The following CSMD3 variants were observed in gnomAD, a reference collection of about 807,000 sequenced individuals.
CSMD3 encodes CUB and Sushi multiple domains 3.
A neutral mutation model predicts 435.2 loss-of-function variants in CSMD3; 177 were observed. The ratio of observed to expected loss-of-function variants is 0.41; its 90% CI spans 0.36 to 0.46. CSMD3 has a LOEUF of 0.46. Ranked by LOEUF, CSMD3 falls within the 20% of genes least tolerant of loss-of-function variation. The pLI is 0.34. For synonymous variants in CSMD3, 1,656 were observed against 1,520.5 expected (o/e 1.09, Z -2.07); for missense variants, 4,265 against 4,504.6 (o/e 0.95, Z 1.52).
intron 11 of CSMD3, 116 bp downstream of exon 11, chr8:112,859,029 G>A (rs2080747465): frequency 1.1e-6 from 1 of 928,448 alleles, no homozygotes; most frequent in Non-Finnish European, 1.7e-6. Context: ...AGGGAATATT[G>A]CGCCAAAATC....
chr8:112,905,273 G>A (rs536879441), intron 10 of CSMD3, among the ~76,000 whole-genome samples: 210 of 149,702 alleles, frequency 1.4e-3, no homozygotes, highest in Admixed American at 2.4e-3. Context: ...CAATTTATTA[G>A]ACAAACAGAT....
At chr8:113,369,917 G>A (rs887433259) in intron 1 of CSMD3, among the ~76,000 whole-genome samples, 1 of 151,768 alleles carries the variant, frequency 6.6e-6, no homozygotes, top group African/African-American at 2.4e-5. Context: ...GTGACAGTGG[G>A]GGATTGGGAG....
At chr8:112,972,016 G>T (rs953883801) in intron 7 of CSMD3, among the ~76,000 whole-genome samples, 1 of 151,886 alleles carries the variant, frequency 6.6e-6, no homozygotes, top group African/African-American at 2.4e-5. Flanking sequence ...TTAAATAAAA[G>T]TTATAGTGAG....
At position 112,472,652 on chromosome 8, in the gene CSMD3, A is replaced by G; in HGVS notation, c.5334T>C (p.Tyr1778=). ...TATGTCCCACACTGTAATTTTTTGGATAGTTTGGTGATAGAACAGTGCCTT... is the reference window on the plus strand; with the variant it reads ...TATGTCCCACACTGTAATTTTTTGGGTAGTTTGGTGATAGAACAGTGCCTT... ...GSEGTVLSPN[Y]PKNYSVGHNC... Residue 1778 remains tyrosine, a synonymous_variant, in exon 32 of 71, where the codon TAT becomes TAC. Coordinates refer to ENST00000297405, the MANE Select transcript of CSMD3 (RefSeq NM_198123.2). 1 of 1,612,554 alleles carries G rather than the reference A, an allele frequency of 6.2e-7. No homozygotes were observed. The highest frequency in any genetic ancestry group is 1.1e-5 in the South Asian group (1 of 91,046).
At chr8:112,875,207 G>A (rs1465324516) in intron 10 of CSMD3, among the ~76,000 whole-genome samples, 2 of 152,026 alleles carry the variant, frequency 1.3e-5, no homozygotes, top group African/African-American at 4.8e-5. Flanking sequence ...GAAATTCTAG[G>A]TTGAAAATTC....
At chr8:113,358,032 G>A (rs2094244338) in intron 1 of CSMD3, among the ~76,000 whole-genome samples, 1 of 152,148 alleles carries the variant, frequency 6.6e-6, no homozygotes, top group East Asian at 1.9e-4. Flanking sequence ...CATATTAAGT[G>A]TCTAAACTGT....
chr8:113,117,686 G>A (rs1054809558), intron 4 of CSMD3, among the ~76,000 whole-genome samples: 2 of 152,208 alleles, frequency 1.3e-5, no homozygotes, highest in Admixed American at 6.5e-5. Context: ...CAGGAGAGGT[G>A]TTGTACACTA....
chr8:113,130,946 G>A (rs1307139027), intron 4 of CSMD3, among the ~76,000 whole-genome samples: 1 of 152,156 alleles, frequency 6.6e-6, no homozygotes, highest in African/African-American at 2.4e-5. Context: ...CTCTGCCCTA[G>A]AAATCTGTGG....
chr8:112,309,336 A>G (rs764335037), intron 50 of CSMD3, among the ~76,000 whole-genome samples: 22 of 151,980 alleles, frequency 1.4e-4, no homozygotes, highest in Non-Finnish European at 2.7e-4. Flanking sequence ...GTGTATGTGT[A>G]TGTGTGTATA....
rs33926073 is a variant in CSMD3, at chr8:112,905,322, A to ATACT, written c.1633+16304_1633+16305insAGTA. On this transcript the variant is annotated intron_variant, in intron 10 of 70. Coordinates refer to ENST00000297405, the MANE Select transcript of CSMD3 (RefSeq NM_198123.2). Reference sequence around the variant, plus strand: ...ATACTATGTGTATATATATATATATACACACACACACACACACATATATAT... The same window carrying ATACT: ...ATACTATGTGTATATATATATATATATACTCACACACACACACACACATATATAT... Among the ~76,000 whole-genome samples, 38 of 31,282 alleles carry ATACT rather than the reference A, an allele frequency of 1.2e-3. No homozygotes were observed. In the East Asian group the frequency reaches 0.029, roughly 24 times the overall value. The allele number at this position is 31,282 out of a possible 152,430, so 20.5% of individuals were successfully genotyped here. A position where few individuals can be genotyped will look rare whatever the true frequency, so the allele number is the denominator to read the frequency against.
intron 32 of CSMD3, among the ~76,000 whole-genome samples, chr8:112,455,615 ATAAATAAAT>A (rs1554578670): frequency 6.6e-6 from 1 of 151,164 alleles, no homozygotes; most frequent in East Asian, 2.0e-4. Flanking sequence ...AAATAAATAA[ATAAATAAAT>A]AAATAAATCA....
At chr8:113,394,424 G>T (rs1296603854) in intron 1 of CSMD3, among the ~76,000 whole-genome samples, 1 of 151,988 alleles carries the variant, frequency 6.6e-6, no homozygotes, top group Non-Finnish European at 1.5e-5. Flanking sequence ...TACCAAGTTT[G>T]TCATTTAACC....
chr8:113,236,732 G>T (rs953563040), intron 3 of CSMD3, among the ~76,000 whole-genome samples: 7 of 152,068 alleles, frequency 4.6e-5, no homozygotes, highest in African/African-American at 1.7e-4. Flanking sequence ...ATCCCAGCTT[G>T]CAGACAGCCT....
At chr8:112,343,001 T>TTTTA (rs72258524) in intron 41 of CSMD3, among the ~76,000 whole-genome samples, 2 of 109,678 alleles carry the variant, frequency 1.8e-5, no homozygotes, top group East Asian at 2.6e-4. Context: ...ATATATATAT[T>TTTTA]TATATATATA....
rs1294668787 is a variant in CSMD3 at position 113,147,395 on chromosome 8, TTTC to T, written c.709+26324_709+26326del. Among the ~76,000 whole-genome samples, 8 of 151,850 alleles carry T rather than the reference TTTC, an allele frequency of 5.3e-5. No homozygotes were observed. The East Asian group carries it at 9.7e-4, about 19-fold the overall frequency. On this transcript the variant is annotated intron_variant, in intron 4 of 70. Coordinates refer to ENST00000297405, the MANE Select transcript of CSMD3 (RefSeq NM_198123.2). The stretch of plus-strand genomic sequence containing the variant: ...ACTTACTAGTTGACTTTGCCACACT[TTTC>T]TTCTCAGAACACTCTCTTCTTACTT...
chr8:113,388,338 G>C (rs2094447962), intron 1 of CSMD3, among the ~76,000 whole-genome samples: 2 of 151,454 alleles, frequency 1.3e-5, no homozygotes, highest in Non-Finnish European at 1.5e-5. Flanking sequence ...GAGAAAATGA[G>C]GAAGAGAAAC....
intron 53 of CSMD3, among the ~76,000 whole-genome samples, chr8:112,299,367 A>T (rs1013755805): frequency 6.6e-6 from 1 of 152,006 alleles, no homozygotes; most frequent in African/African-American, 2.4e-5. Flanking sequence ...TGCCGAGTTT[A>T]AAAAAAACTT....
intron 4 of CSMD3, among the ~76,000 whole-genome samples, chr8:113,141,068 T>C (rs945308342): frequency 2.0e-5 from 3 of 150,854 alleles, no homozygotes; most frequent in East Asian, 3.9e-4. Flanking sequence ...TTTACAATCA[T>C]AAATTTGATA....
At chr8:113,402,639 T>C (rs2094515431) in intron 1 of CSMD3, among the ~76,000 whole-genome samples, 7 of 151,312 alleles carry the variant, frequency 4.6e-5, no homozygotes. Flanking sequence ...CTCAATATTG[T>C]CAGTTTTCTC....
Sources: allele counts gnomAD v4.1 joint callset (sites outside exome capture counted in the v4.1 genomes callset), GRCh38; gene constraint gnomAD v4.1.1; transcripts MANE v1.5; gene names NCBI Gene and HGNC (gene_info 2026-07-23, HGNC 2026-07-21).